MIPOL1: variants seen among roughly 807,000 people sequenced by gnomAD.
MIPOL1 encodes mirror-image polydactyly gene 1 protein.
A neutral mutation model predicts 60.9 loss-of-function variants in MIPOL1; 57 were observed. The ratio of observed to expected loss-of-function variants is 0.94; its 90% CI spans 0.76 to 1.17. The LOEUF is 1.17. Ranked by LOEUF, MIPOL1 falls within the 50% of genes most tolerant of loss-of-function variation. The pLI, the probability that MIPOL1 is intolerant of heterozygous loss-of-function variation, is 0.00. For synonymous variants in MIPOL1, 179 were observed against 168.8 expected, an observed-to-expected ratio of 1.06 and a Z score of -0.47; for missense variants, 551 against 511.6, an observed-to-expected ratio of 1.08 and a Z score of -0.74.
At chr14:37,256,622 T>C (rs2051680247) in intron 3 of MIPOL1, among the ~76,000 whole-genome samples, 2 of 151,962 alleles carry the variant, frequency 1.3e-5, no homozygotes, top group South Asian at 4.1e-4. Context: ...TCATTGCTTA[T>C]ATTTTATAAT....
intron 1 of MIPOL1, among the ~76,000 whole-genome samples, chr14:37,221,590 G>T (rs1289798473): frequency 6.6e-6 from 1 of 152,194 alleles, no homozygotes; most frequent in African/African-American, 2.4e-5. Flanking sequence ...AGGTGAAGGG[G>T]AAGCAGGCAC....
intron 10 of MIPOL1, among the ~76,000 whole-genome samples, chr14:37,384,269 C>G (rs895927460): frequency 1.3e-5 from 2 of 151,774 alleles, no homozygotes; most frequent in African/African-American, 4.8e-5. Context: ...CTTTACTTTT[C>G]TCTTATTTAT....
At chr14:37,444,539 A>C (rs143785912) in intron 11 of MIPOL1, among the ~76,000 whole-genome samples, 1 of 152,226 alleles carries the variant, frequency 6.6e-6, no homozygotes, top group Non-Finnish European at 1.5e-5. Flanking sequence ...TAAAATTTAT[A>C]TAAAAATGCA....
At chr14:37,406,475 G>A (rs999705683) in intron 10 of MIPOL1, among the ~76,000 whole-genome samples, 1 of 152,094 alleles carries the variant, frequency 6.6e-6, no homozygotes, top group Non-Finnish European at 1.5e-5. Context: ...TACGACTCAA[G>A]TGTAAAGGAG....
At chr14:37,266,753 T>C (rs1460667486) in intron 3 of MIPOL1, among the ~76,000 whole-genome samples, 185 bp from the exon 4 acceptor site, 2 of 152,204 alleles carry the variant, frequency 1.3e-5, no homozygotes, top group African/African-American at 2.4e-5. Context: ...TTTTGGCCTA[T>C]TTGAGACCAA....
intron 1 of MIPOL1, among the ~76,000 whole-genome samples, chr14:37,205,736 G>A (rs1965976092): frequency 6.6e-6 from 1 of 152,112 alleles, no homozygotes; most frequent in Admixed American, 6.5e-5. Flanking sequence ...TTCTGTCCTT[G>A]TGATAGTTTG....
chr14:37,368,910 T>G (rs1450333241), intron 9 of MIPOL1, among the ~76,000 whole-genome samples: 1 of 152,096 alleles, frequency 6.6e-6, no homozygotes, highest in East Asian at 1.9e-4. Flanking sequence ...AGTGGTCATT[T>G]CACATATCTG....
intron 12 of MIPOL1, chr14:37,506,820 A>G (rs983193091): frequency 6.6e-6 from 1 of 152,190 alleles, no homozygotes; most frequent in Non-Finnish European, 1.5e-5. Flanking sequence ...AACCTACAGA[A>G]TGGGAGAAAA....
chr14:37,482,293 C>G (rs2094883125), intron 11 of MIPOL1, among the ~76,000 whole-genome samples: 1 of 152,088 alleles, frequency 6.6e-6, no homozygotes, highest in African/African-American at 2.4e-5. Context: ...CAAAAGAAGG[C>G]ATACAGATAG....
At chr14:37,348,242 G>T (rs2091086020) in intron 9 of MIPOL1, among the ~76,000 whole-genome samples, 2 of 152,152 alleles carry the variant, frequency 1.3e-5, no homozygotes, top group Admixed American at 6.6e-5. Context: ...TAAAGGACAT[G>T]ATTTCCTCTA....
Position 37,454,648 on chromosome 14 carries a change from T to G in MIPOL1, c.1031+31699T>G, listed in dbSNP as rs186519228. Among the ~76,000 whole-genome samples, 502 of 152,306 alleles carry G rather than the reference T, an allele frequency of 3.3e-3. 6 individuals are homozygous for G. The highest frequency in any genetic ancestry group is 5.0e-3 in the Non-Finnish European group (340 of 68,022). On this transcript the variant is annotated intron_variant, in intron 11 of 12. Transcript: ENST00000684589. The stretch of plus-strand genomic sequence containing the variant: ...GACAGTTGATAATAAAAGTATCCTA[T>G]TATAAAAACAGAATGAAAATATATA...
intron 12 of MIPOL1, among the ~76,000 whole-genome samples, chr14:37,530,361 C>T (rs551480740): frequency 8.6e-5 from 13 of 152,024 alleles, no homozygotes; most frequent in Non-Finnish European, 1.5e-4. Context: ...GAGAAAAGTA[C>T]GGCCAGATGG....
intron 12 of MIPOL1, among the ~76,000 whole-genome samples, chr14:37,530,878 C>T (rs2095474783): frequency 6.6e-6 from 1 of 151,718 alleles, no homozygotes; most frequent in Non-Finnish European, 1.5e-5. Flanking sequence ...AGTGCAGTGG[C>T]ATGATCCCGG....
chr14:37,545,731 T>C, intron 12 of MIPOL1: 1 of 621,146 alleles, frequency 1.6e-6, no homozygotes, highest in Non-Finnish European at 2.9e-6. Flanking sequence ...TGCAGTTGAT[T>C]TGTCCATTCC....
At chr14:37,350,616 C>T (rs1471384734) in intron 9 of MIPOL1, among the ~76,000 whole-genome samples, 1 of 152,044 alleles carries the variant, frequency 6.6e-6, no homozygotes, top group Admixed American at 6.6e-5. Context: ...TTTAAATGTA[C>T]AAGTTATCAT....
intron 11 of MIPOL1, among the ~76,000 whole-genome samples, chr14:37,431,569 CTTTT>C (rs869258490): frequency 6.2e-5 from 4 of 64,832 alleles, no homozygotes; most frequent in Non-Finnish European, 7.7e-5. Flanking sequence ...ATCTCTGTTT[CTTTT>C]TTTTTTTTTT....
chr14:37,526,471 G>A (rs1384159131), intron 12 of MIPOL1, among the ~76,000 whole-genome samples: 11 of 148,966 alleles, frequency 7.4e-5, no homozygotes, highest in South Asian at 4.2e-4. Flanking sequence ...CCCGGTTTAC[G>A]CCATTCTCCT....
chr14:37,274,506 CATT>C (rs1003213307), intron 6 of MIPOL1, among the ~76,000 whole-genome samples: 1 of 151,342 alleles, frequency 6.6e-6, no homozygotes, highest in African/African-American at 2.4e-5. Context: ...ATTGTGGACT[CATT>C]ATGTTCTAGG....
At chr14:37,412,267 G>A (rs2093692403) in intron 10 of MIPOL1, among the ~76,000 whole-genome samples, 3 of 152,050 alleles carry the variant, frequency 2.0e-5, no homozygotes, top group South Asian at 4.1e-4. Context: ...TCTGGTATGT[G>A]CTGAGCATTG....
Sources: gnomAD v4.1 joint callset for allele counts (sites outside exome capture counted in the v4.1 genomes callset) on GRCh38, gnomAD v4.1.1 for gene constraint, MANE v1.5 for transcripts, NCBI Gene and HGNC (gene_info 2026-07-23, HGNC 2026-07-21) for gene names.